Variants in NKAIN2 observed in about 807,000 individuals in gnomAD.
NKAIN2 encodes sodium/potassium transporting ATPase interacting 2, also known as sodium/potassium-transporting ATPase subunit beta-1-interacting protein 2.
In NKAIN2, 14 loss-of-function variants were observed where a neutral mutation model predicts 32.6. The ratio of observed to expected loss-of-function variants is 0.43; its 90% CI spans 0.28 to 0.67. The LOEUF (loss-of-function observed/expected upper bound fraction) is 0.67, where lower values mean the gene tolerates loss of function less well. Ranked by LOEUF, NKAIN2 falls within the 30% of genes least tolerant of loss-of-function variation. The pLI is 0.17. For synonymous variants in NKAIN2, 80 were observed against 87.2 expected (o/e 0.92, Z 0.46); for missense variants, 198 against 258.3 (o/e 0.77, Z 1.60).
chr6:124,587,939 T>C (rs1479035), intron 3 of NKAIN2, among the ~76,000 whole-genome samples: 23,544 of 152,252 alleles, frequency 0.15, 1,974 homozygotes, highest in Middle Eastern at 0.25. Flanking sequence ...ACAGGATTTT[T>C]TTTAAATTTA....
chr6:123,979,949 G>A (rs117343366), intron 1 of NKAIN2, among the ~76,000 whole-genome samples: 3 of 151,822 alleles, frequency 2.0e-5, no homozygotes, highest in East Asian at 1.9e-4. Flanking sequence ...AGAATTGTTC[G>A]TTAGTCAACA....
chr6:124,472,622 A>G (rs1481204682), intron 3 of NKAIN2, among the ~76,000 whole-genome samples: 1 of 152,060 alleles, frequency 6.6e-6, no homozygotes, highest in Non-Finnish European at 1.5e-5. Context: ...ATTAGCATAA[A>G]CAATGATACA....
At chr6:124,604,267 TTTAAA>T (rs1248009554) in intron 3 of NKAIN2, among the ~76,000 whole-genome samples, 2 of 151,956 alleles carry the variant, frequency 1.3e-5, no homozygotes. Context: ...TACCCACTGA[TTTAAA>T]TTAAATAGGA....
chr6:124,058,276 T>C (rs1463379421), intron 1 of NKAIN2, among the ~76,000 whole-genome samples: 1 of 149,812 alleles, frequency 6.7e-6, no homozygotes, highest in Non-Finnish European at 1.5e-5. Flanking sequence ...AAAAAGCTTA[T>C]AGAAAAAGCA....
At chr6:124,810,899 T>C (rs1022531247) in intron 5 of NKAIN2, among the ~76,000 whole-genome samples, 11 of 150,002 alleles carry the variant, frequency 7.3e-5, no homozygotes, top group East Asian at 3.9e-4. Flanking sequence ...CTATAAAGGA[T>C]TGCATTTTCC....
chr6:123,928,289 A>G (rs531223718), intron 1 of NKAIN2, among the ~76,000 whole-genome samples: 4 of 152,260 alleles, frequency 2.6e-5, no homozygotes, highest in East Asian at 1.9e-4. Context: ...CTGAAAAACT[A>G]TCTATTGGGT....
At chr6:124,444,185 T>G (rs1469731690) in intron 3 of NKAIN2, among the ~76,000 whole-genome samples, 1 of 152,092 alleles carries the variant, frequency 6.6e-6, no homozygotes, top group Non-Finnish European at 1.5e-5. Flanking sequence ...TAAAGGTGAA[T>G]ACATTAATGA....
chr6:123,838,691 G>T (rs1208967428), intron 1 of NKAIN2, among the ~76,000 whole-genome samples: 1 of 152,144 alleles, frequency 6.6e-6, no homozygotes. Flanking sequence ...CTCTTGGAGG[G>T]ATCATTATGT....
At position 124,184,811 on chromosome 6, in the gene NKAIN2, AATACAGACTTAC is replaced by A. The variant is rs919884965; in HGVS notation, c.55-98191_55-98180del. On this transcript the variant is annotated intron_variant, in intron 1 of 6. Transcript: ENST00000368417. The stretch of plus-strand genomic sequence containing the variant: ...ACAAATCTAAACCAAATCCTTGTTA[AATACAGACTTAC>A]ATGATCATCTTGCATTTTTTTTCAG... Among the ~76,000 whole-genome samples, 10 of 152,182 alleles carry A rather than the reference AATACAGACTTAC, an allele frequency of 6.6e-5. 1 individual carries two copies. The highest frequency in any genetic ancestry group is 2.4e-4 in the African/African-American group (10 of 41,456).
In NKAIN2 at chr6:124,164,057, T is replaced by A. The variant is rs944423040; in HGVS notation, c.55-118948T>A. The stretch of plus-strand genomic sequence containing the variant: ...GTTTGCTTTTTAAAAAAAATTTCCA[T>A]CAATATTTACAAAGTAAGGTATATG... On this transcript the variant is annotated intron_variant, in intron 1 of 6. Coordinates refer to ENST00000368417, the MANE Select transcript of NKAIN2 (RefSeq NM_001040214.3). Among the ~76,000 whole-genome samples, 26 of 152,004 alleles carry A rather than the reference T, an allele frequency of 1.7e-4. 1 individual carries two copies. Among genetic ancestry groups the A allele is most frequent in the Admixed American group, 2.6e-4 (4 of 15,222 alleles).
chr6:124,261,611 A>G (rs1406540530), intron 1 of NKAIN2, among the ~76,000 whole-genome samples: 1 of 152,280 alleles, frequency 6.6e-6, no homozygotes, highest in East Asian at 1.9e-4. Flanking sequence ...CCGTAATCCT[A>G]GCACTTTGGG....
At chr6:124,672,280 G>T (rs936548043) in intron 4 of NKAIN2, among the ~76,000 whole-genome samples, 1 of 152,080 alleles carries the variant, frequency 6.6e-6, no homozygotes, top group African/African-American at 2.4e-5. Flanking sequence ...TGATTTGTAA[G>T]AATATTGGGC....
At chr6:123,976,176 C>G (rs1345422558) in intron 1 of NKAIN2, among the ~76,000 whole-genome samples, 1 of 149,048 alleles carries the variant, frequency 6.7e-6, no homozygotes, top group African/African-American at 2.5e-5. Flanking sequence ...ATTACCCAGT[C>G]TTGGGTATGT....
intron 1 of NKAIN2, among the ~76,000 whole-genome samples, chr6:124,141,660 T>C (rs762692919): frequency 1.8e-4 from 27 of 152,262 alleles, no homozygotes; most frequent in Non-Finnish European, 3.1e-4. Context: ...GTGTGGGAAC[T>C]GGATTTGCAA....
intron 3 of NKAIN2, among the ~76,000 whole-genome samples, chr6:124,392,265 C>T (rs1160476772): frequency 6.6e-6 from 1 of 151,976 alleles, no homozygotes; most frequent in Non-Finnish European, 1.5e-5. Context: ...TTTGTAAGGC[C>T]CGTATTTTAT....
chr6:124,278,725 T>G (rs917350525), intron 1 of NKAIN2, among the ~76,000 whole-genome samples: 1 of 144,374 alleles, frequency 6.9e-6, no homozygotes, highest in South Asian at 2.2e-4. Context: ...GAAATATATA[T>G]ATAGCACAAA....
At chr6:124,116,041 C>T (rs1237322403) in intron 1 of NKAIN2, among the ~76,000 whole-genome samples, 1 of 151,968 alleles carries the variant, frequency 6.6e-6, no homozygotes, top group Non-Finnish European at 1.5e-5. Context: ...TAGAAGATAG[C>T]TAATGCCTTC....
chr6:123,952,177 C>G (rs561592764), intron 1 of NKAIN2, among the ~76,000 whole-genome samples: 77 of 152,178 alleles, frequency 5.1e-4, no homozygotes, highest in African/African-American at 1.8e-3. Context: ...GCTTAATCCC[C>G]TTTGTTAAAA....
chr6:123,864,242 G>C (rs2114983517), intron 1 of NKAIN2, among the ~76,000 whole-genome samples: 1 of 152,298 alleles, frequency 6.6e-6, no homozygotes, highest in African/African-American at 2.4e-5. Flanking sequence ...CTAGTGTTGT[G>C]AGCTTATATT....
Sources: gnomAD v4.1 joint callset for allele counts (sites outside exome capture counted in the v4.1 genomes callset) on GRCh38, gnomAD v4.1.1 for gene constraint, MANE v1.5 for transcripts, NCBI Gene and HGNC (gene_info 2026-07-23, HGNC 2026-07-21) for gene names.